CCDC57: variants seen among roughly 807,000 people sequenced by gnomAD.
CCDC57 encodes coiled-coil domain-containing protein 57.
In CCDC57, 118 loss-of-function variants were observed where a neutral mutation model predicts 118.9. That is an observed-to-expected ratio of 0.99 (90% CI 0.86 to 1.16). The LOEUF (loss-of-function observed/expected upper bound fraction) is 1.16, where lower values mean the gene tolerates loss of function less well. Among genes scored for constraint, CCDC57 ranks in the 50% most tolerant of loss-of-function variants. The pLI, the probability that CCDC57 is intolerant of heterozygous loss-of-function variation, is 0.00. For missense variants in CCDC57, 1,300 were observed against 1,320.7 expected (o/e 0.98, Z 0.24); for synonymous variants, 527 against 532.9 (o/e 0.99, Z 0.15).
intron 16 of CCDC57, among the ~76,000 whole-genome samples, chr17:82,139,176 T>A (rs1160070160): frequency 6.6e-6 from 1 of 152,214 alleles, no homozygotes; most frequent in Non-Finnish European, 1.5e-5. Context: ...AGCGTCAACG[T>A]CTTGGATTAA....
chr17:82,135,929 TAA>T, intron 16 of CCDC57, among the ~76,000 whole-genome samples: 1 of 151,870 alleles, frequency 6.6e-6, no homozygotes. Context: ...ATAAAAAAAA[TAA>T]AGTTTTTAAA....
chr17:82,167,368 G>A (rs1356969816), intron 13 of CCDC57, among the ~76,000 whole-genome samples: 1 of 115,884 alleles, frequency 8.6e-6, no homozygotes, highest in Non-Finnish European at 1.8e-5. Context: ...TTTTTTTTTT[G>A]AGATGGATTT....
chr17:82,136,445 G>A (rs1195560599), intron 16 of CCDC57, among the ~76,000 whole-genome samples: 1 of 151,988 alleles, frequency 6.6e-6, no homozygotes, highest in African/African-American at 2.4e-5. Context: ...ATGAGTGTGG[G>A]GTTTCCTCTG....
chr17:82,143,095 G>A, intron 16 of CCDC57, among the ~76,000 whole-genome samples: 1 of 151,988 alleles, frequency 6.6e-6, no homozygotes, highest in Non-Finnish European at 1.5e-5. Flanking sequence ...CCATGAGGCG[G>A]AGGTTGTAGA....
At chr17:82,129,448 C>T (rs1568193414) in intron 17 of CCDC57, among the ~76,000 whole-genome samples, 1 of 152,176 alleles carries the variant, frequency 6.6e-6, no homozygotes, top group Non-Finnish European at 1.5e-5. Flanking sequence ...GTGGAACGAG[C>T]CCAGCCCTGC....
intron 16 of CCDC57, among the ~76,000 whole-genome samples, chr17:82,148,736 GTGGGTGGGTGAA>G (rs1358097365): frequency 2.9e-5 from 1 of 33,946 alleles, no homozygotes; most frequent in African/African-American, 1.1e-4. Flanking sequence ...ACATGGATGG[GTGGGTGGGTGAA>G]TGGGTGGGTG....
intron 1 of CCDC57, among the ~76,000 whole-genome samples, chr17:82,208,793 G>A (rs1193138707): frequency 6.6e-6 from 1 of 152,068 alleles, no homozygotes; most frequent in African/African-American, 2.4e-5. Flanking sequence ...ACCTTTAAAT[G>A]TACTGAATTT....
At chr17:82,102,472 C>T (rs1177511029) in intron 19 of CCDC57, among the ~76,000 whole-genome samples, 28 of 152,218 alleles carry the variant, frequency 1.8e-4, no homozygotes, top group Admixed American at 1.7e-3. Flanking sequence ...AAACCATCTT[C>T]GCAGAGGGGT....
At chr17:82,208,372 T>G (rs895876988) in intron 1 of CCDC57, among the ~76,000 whole-genome samples, 2 of 152,136 alleles carry the variant, frequency 1.3e-5, no homozygotes, top group African/African-American at 4.8e-5. Flanking sequence ...TTTTCCTGCC[T>G]CAGCCTCCCA....
At chr17:82,127,130 G>A in intron 19 of CCDC57, 1 of 985,436 alleles carries the variant, frequency 1.0e-6, no homozygotes, top group Non-Finnish European at 1.2e-6. Context: ...GAGTTTACCA[G>A]GCCTATGACT....
At chr17:82,204,992 C>T (rs1460186960) in intron 2 of CCDC57, among the ~76,000 whole-genome samples, 1 of 152,224 alleles carries the variant, frequency 6.6e-6, no homozygotes, top group Non-Finnish European at 1.5e-5. Context: ...TCCTAACTTC[C>T]ATCTCACGTT....
intron 2 of CCDC57, among the ~76,000 whole-genome samples, chr17:82,203,981 G>A (rs2049291902): frequency 6.6e-6 from 1 of 152,218 alleles, no homozygotes; most frequent in African/African-American, 2.4e-5. Context: ...AGCACCGGCT[G>A]TGACGAAGCA....
intron 9 of CCDC57, 25 bp downstream of exon 8, chr17:82,183,749 G>A (rs1440455365): frequency 3.2e-6 from 5 of 1,548,706 alleles, no homozygotes; most frequent in Non-Finnish European, 3.5e-6. Flanking sequence ...ACCCTCAATG[G>A]AAACATCTGC....
Position 82,201,710 on chromosome 17 carries a change from C to T in CCDC57, c.235G>A (p.Ala79Thr), listed in dbSNP as rs779798637. 10 of 1,613,792 alleles carry T rather than the reference C, an allele frequency of 6.2e-6. No individual in the cohort carries two copies. The East Asian group carries it at 6.7e-5, about 11-fold the overall frequency. ...GCCTCTTCCCACTCCCTGGCCTGGG[C>T]GAAGGCGGCGTCATAGCGCTCCAGC... The change falls in exon 3 of 20, where the codon GCC becomes ACC. Residue 79 changes from alanine (A) to threonine (T), a missense_variant. Ala to Thr is a moderately conservative substitution (Grantham distance 58, BLOSUM62 0). Coordinates refer to ENST00000665763, the Ensembl canonical transcript of CCDC57.
At chr17:82,188,177 T>C in intron 8 of CCDC57, 42 bp downstream of exon 7, 1 of 1,501,282 alleles carries the variant, frequency 6.7e-7, no homozygotes. Context: ...GCCACGGCCG[T>C]CCCTGCCCTC....
intron 15 of CCDC57, among the ~76,000 whole-genome samples, chr17:82,152,997 A>G (rs2042243442): frequency 6.6e-6 from 1 of 152,220 alleles, no homozygotes; most frequent in South Asian, 2.1e-4. Flanking sequence ...GGACGGGTGC[A>G]GGGCAGCCCC....
rs778461386 is a variant in CCDC57, at chr17:82,163,221, C to CA, written c.2018dup (p.Val674GlyfsTer21). The CA allele has an allele frequency of 1.2e-5, 20 of 1,613,816 alleles. No individual in the cohort carries two copies. Among genetic ancestry groups the CA allele is most frequent in the Non-Finnish European group, 1.5e-5 (18 of 1,179,812 alleles). ...TCACCTTCTGTCTGAGTCGTGTCACCAGCAGGTTTAGGAGCTGCACTCTGT... is the reference window on the plus strand; with the variant it reads ...TCACCTTCTGTCTGAGTCGTGTCACCAAGCAGGTTTAGGAGCTGCACTCTGT... On this transcript the variant is annotated frameshift_variant, in exon 14 of 20. Coordinates refer to ENST00000665763, the Ensembl canonical transcript of CCDC57. LOFTEE classifies it high-confidence loss of function.
intron 19 of CCDC57, among the ~76,000 whole-genome samples, chr17:82,103,790 C>A (rs971735019): frequency 6.6e-6 from 1 of 151,940 alleles, no homozygotes. Flanking sequence ...TATCCCGGGG[C>A]GAAGCAGGGA....
intron 19 of CCDC57, chr17:82,106,228 A>G (rs1368599065): frequency 6.6e-6 from 1 of 152,450 alleles, no homozygotes; most frequent in East Asian, 1.9e-4. Context: ...AGGGAAACAC[A>G]TCGTGGGCAT....
Sources: gnomAD v4.1 joint callset for allele counts (sites outside exome capture counted in the v4.1 genomes callset) on GRCh38, gnomAD v4.1.1 for gene constraint, MANE v1.5 for transcripts, NCBI Gene and HGNC (gene_info 2026-07-23, HGNC 2026-07-21) for gene names.